The following SHISA6 variants were observed in gnomAD, a reference collection of about 807,000 sequenced individuals.
SHISA6 encodes shisa family member 6.
A neutral mutation model predicts 47.9 loss-of-function variants in SHISA6; 22 were observed. The observed-to-expected ratio is 0.46, with a 90% confidence interval of 0.33 to 0.66. The LOEUF (loss-of-function observed/expected upper bound fraction) is 0.66, where lower values mean the gene tolerates loss of function less well. Among genes scored for constraint, SHISA6 ranks in the 30% least tolerant of loss-of-function variants. The pLI is 0.02. For synonymous variants in SHISA6, 388 were observed against 337.8 expected, an observed-to-expected ratio of 1.15 and a Z score of -1.63; for missense variants, 680 against 764.6, an observed-to-expected ratio of 0.89 and a Z score of 1.30.
intron 3 of SHISA6, among the ~76,000 whole-genome samples, chr17:11,431,086 C>T (rs1914759276): frequency 1.3e-5 from 2 of 152,154 alleles, no homozygotes; most frequent in Non-Finnish European, 2.9e-5. Flanking sequence ...ATTATGATGC[C>T]ACCTGGCATG....
intron 2 of SHISA6, among the ~76,000 whole-genome samples, chr17:11,370,972 G>C (rs1253984544): frequency 6.6e-6 from 1 of 152,158 alleles, no homozygotes. Flanking sequence ...AACCAGAGAG[G>C]AGATCTTTGG....
Position 11,343,107 on chromosome 17 carries a change from T to A in SHISA6, c.800-36307T>A, listed in dbSNP as rs868480259. On this transcript the variant is annotated intron_variant, in intron 2 of 5. Coordinates refer to ENST00000441885, the MANE Select transcript of SHISA6 (RefSeq NM_207386.4). ...TCCTAATTCTCATTCCAGTTCCTTCTTTCCCCCTATAAGTTATATGTGATT... is the reference window on the plus strand; with the variant it reads ...TCCTAATTCTCATTCCAGTTCCTTCATTCCCCCTATAAGTTATATGTGATT... Among the ~76,000 whole-genome samples, 16 of 152,324 alleles carry A rather than the reference T, an allele frequency of 1.1e-4. 1 individual carries two copies. Among genetic ancestry groups the A allele is most frequent in the Middle Eastern group, 6.8e-3 (2 of 294 alleles).
intron 2 of SHISA6, among the ~76,000 whole-genome samples, chr17:11,351,904 G>A (rs1327798734): frequency 6.6e-6 from 1 of 152,208 alleles, no homozygotes; most frequent in Non-Finnish European, 1.5e-5. Context: ...AACATAGTAT[G>A]GTGGTGCTAT....
chr17:11,323,817 G>T (rs1296426073), intron 2 of SHISA6, among the ~76,000 whole-genome samples: 2 of 151,966 alleles, frequency 1.3e-5, no homozygotes, highest in Non-Finnish European at 2.9e-5. Context: ...CTCAGCATGG[G>T]TATAGTACCC....
chr17:11,509,159 C>T (rs1207256825), intron 3 of SHISA6, among the ~76,000 whole-genome samples: 3 of 152,174 alleles, frequency 2.0e-5, no homozygotes, highest in Non-Finnish European at 2.9e-5. Flanking sequence ...AAAGAAGTGT[C>T]GGAAGGCCCA....
chr17:11,294,582 A>G (rs899748340), intron 2 of SHISA6, among the ~76,000 whole-genome samples: 8 of 152,174 alleles, frequency 5.3e-5, no homozygotes, highest in African/African-American at 1.9e-4. Context: ...ATGAGACAAT[A>G]TATATTTTTT....
intron 3 of SHISA6, among the ~76,000 whole-genome samples, chr17:11,401,743 G>A (rs185239485): frequency 2.0e-4 from 30 of 152,250 alleles, no homozygotes; most frequent in African/African-American, 7.0e-4. Flanking sequence ...CCTCCATGTG[G>A]TACCTCAGAA....
At chr17:11,290,353 C>CTTTTTT (rs10658953) in intron 2 of SHISA6, 6 of 135,980 alleles carry the variant, frequency 4.4e-5, no homozygotes, top group East Asian at 2.1e-4. Flanking sequence ...TATTTTCTTT[C>CTTTTTT]TTTTTTTTTT....
chr17:11,478,190 ATG>A (rs1167114405), intron 3 of SHISA6, among the ~76,000 whole-genome samples: 94 of 55,728 alleles, frequency 1.7e-3, no homozygotes, highest in African/African-American at 7.5e-3. Flanking sequence ...GCATTTTTTC[ATG>A]TGTTTTTTGG....
At chr17:11,495,589 T>C (rs1320871864) in intron 3 of SHISA6, among the ~76,000 whole-genome samples, 1 of 152,156 alleles carries the variant, frequency 6.6e-6, no homozygotes, top group Non-Finnish European at 1.5e-5. Flanking sequence ...CTTTCAAGGT[T>C]CCTCTTAGGG....
At chr17:11,521,832 A>G (rs2071632557) in intron 3 of SHISA6, among the ~76,000 whole-genome samples, 1 of 152,160 alleles carries the variant, frequency 6.6e-6, no homozygotes, top group African/African-American at 2.4e-5. Context: ...GCTAGACTAT[A>G]TCTCTTATCT....
rs1207141186 is a variant in SHISA6 at position 11,456,047 on chromosome 17, A to C, written c.895+76538A>C. On this transcript the variant is annotated intron_variant, in intron 3 of 5. Transcript: ENST00000441885. ...ACAATTTAAAATTGTCATGGTTAGA[A>C]AGGCGCTTTGTAAATGTAAACCCAT... Among the ~76,000 whole-genome samples, 3 of 152,208 alleles carry C rather than the reference A, an allele frequency of 2.0e-5. No individual in the cohort carries two copies. In the East Asian group the frequency reaches 5.8e-4, roughly 29 times the overall value.
intron 3 of SHISA6, among the ~76,000 whole-genome samples, chr17:11,436,262 C>T (rs1180345813): frequency 6.6e-6 from 1 of 152,168 alleles, no homozygotes; most frequent in East Asian, 1.9e-4. Context: ...CAGAATGAAA[C>T]CTGTCTTTGC....
At position 11,396,185 on chromosome 17, in the gene SHISA6, T is replaced by G. The variant is rs1913567576; in HGVS notation, c.895+16676T>G. Among the ~76,000 whole-genome samples the G allele has an allele frequency of 2.0e-5, 3 of 152,326 alleles. No homozygotes were observed. The East Asian group carries it at 5.8e-4, about 29-fold the overall frequency. ...TAGATCTGTTTTTTTGTTTTATAAT[T>G]TAAATGGATTTCCTAATATTGACCT... On this transcript the variant is annotated intron_variant, in intron 3 of 5. Transcript: ENST00000441885.
intron 2 of SHISA6, among the ~76,000 whole-genome samples, chr17:11,315,375 C>A (rs1011659134): frequency 1.3e-5 from 2 of 152,094 alleles, no homozygotes; most frequent in African/African-American, 4.8e-5. Context: ...GTCGTATCAC[C>A]TGCAAAGAAT....
Position 11,550,262 on chromosome 17 carries a change from G to A in SHISA6, c.896-1634G>A, listed in dbSNP as rs1255535633. ...GGTAGAGATGGGGTTTCACCATGTTGGCCAGGCTGGTCTCAAACTCTTGAC... is the reference window on the plus strand; with the variant it reads ...GGTAGAGATGGGGTTTCACCATGTTAGCCAGGCTGGTCTCAAACTCTTGAC... On this transcript the variant is annotated intron_variant, in intron 3 of 5. Transcript: ENST00000441885. Among the ~76,000 whole-genome samples the A allele has an allele frequency of 2.0e-5, 3 of 152,200 alleles. No homozygotes were observed. The South Asian group carries it at 6.2e-4, about 32-fold the overall frequency.
chr17:11,409,093 A>T (rs1026254734), intron 3 of SHISA6, among the ~76,000 whole-genome samples: 3 of 152,318 alleles, frequency 2.0e-5, no homozygotes, highest in Non-Finnish European at 4.4e-5. Context: ...TCTCAGAAAT[A>T]ATTAATTTGA....
chr17:11,415,009 C>G (rs1914237598), intron 3 of SHISA6, among the ~76,000 whole-genome samples: 1 of 151,716 alleles, frequency 6.6e-6, no homozygotes, highest in South Asian at 2.1e-4. Flanking sequence ...TCGCTTGAAC[C>G]TGGGAGGCGG....
intron 3 of SHISA6, among the ~76,000 whole-genome samples, chr17:11,550,116 G>A (rs1048174498): frequency 6.6e-6 from 1 of 151,558 alleles, no homozygotes; most frequent in Non-Finnish European, 1.5e-5. Flanking sequence ...GTGCAGTGGC[G>A]CGATCTCGGC....
Sources: allele counts gnomAD v4.1 joint callset (sites outside exome capture counted in the v4.1 genomes callset), GRCh38; gene constraint gnomAD v4.1.1; transcripts MANE v1.5; gene names NCBI Gene and HGNC (gene_info 2026-07-23, HGNC 2026-07-21).